SNX27: variants seen among roughly 807,000 people sequenced by gnomAD.
SNX27 encodes the protein sorting nexin-27.
In SNX27, 22 loss-of-function variants were observed where a neutral mutation model predicts 71.6. The observed-to-expected ratio is 0.31, with a 90% CI of 0.22 to 0.44. The LOEUF is 0.44. Among genes scored for constraint, SNX27 ranks in the 20% least tolerant of loss-of-function variants. SNX27 has a pLI of 1.00. For missense variants in SNX27, 531 were observed against 698.6 expected (o/e 0.76, Z 2.70); for synonymous variants, 269 against 277.2 (o/e 0.97, Z 0.29).
intron 1 of SNX27, among the ~76,000 whole-genome samples, chr1:151,620,922 C>T (rs1268269035): frequency 6.6e-6 from 1 of 152,138 alleles, no homozygotes; most frequent in Non-Finnish European, 1.5e-5. Context: ...GAACTCATGA[C>T]CTCGTAGTCC....
intron 11 of SNX27, chr1:151,693,895 G>A: frequency 1.4e-6 from 2 of 1,387,762 alleles, no homozygotes; most frequent in South Asian, 1.7e-5. Context: ...TTGTGTGAGG[G>A]AAGGTGTTTG....
intron 1 of SNX27, among the ~76,000 whole-genome samples, chr1:151,634,775 C>T (rs1009522743): frequency 2.6e-5 from 4 of 152,106 alleles, no homozygotes; most frequent in African/African-American, 9.7e-5. Context: ...AGTTTCAAAC[C>T]TACAGAAAAA....
chr1:151,627,021 C>T (rs1161798994), intron 1 of SNX27, among the ~76,000 whole-genome samples: 2 of 152,114 alleles, frequency 1.3e-5, no homozygotes, highest in Non-Finnish European at 2.9e-5. Flanking sequence ...GCATTCTGGG[C>T]ATTAGGGTGT....
At chr1:151,647,277 A>T (rs1022241906) in intron 2 of SNX27, among the ~76,000 whole-genome samples, 1 of 151,910 alleles carries the variant, frequency 6.6e-6, no homozygotes, top group Non-Finnish European at 1.5e-5. Flanking sequence ...CAGCCTTCCG[A>T]ATAGCTAAAC....
chr1:151,629,527 A>G (rs1668113168), intron 1 of SNX27: 1 of 150,812 alleles, frequency 6.6e-6, no homozygotes, highest in African/African-American at 2.4e-5. Context: ...ACGTATATAT[A>G]CATGTATACG....
At chr1:151,660,719 C>A in intron 3 of SNX27, 79 bp from the exon 4 acceptor site, 1 of 1,121,672 alleles carries the variant, frequency 8.9e-7, no homozygotes, top group Non-Finnish European at 1.4e-6. Flanking sequence ...ATGATTTAAA[C>A]TTAAAACTTT....
intron 2 of SNX27, among the ~76,000 whole-genome samples, chr1:151,652,397 C>T (rs958829778): frequency 1.3e-5 from 2 of 148,850 alleles, no homozygotes; most frequent in African/African-American, 2.5e-5. Flanking sequence ...ATTTTTGATA[C>T]CACGCCTTTT....
chr1:151,616,816 G>A (rs987274071), intron 1 of SNX27, among the ~76,000 whole-genome samples: 1 of 152,100 alleles, frequency 6.6e-6, no homozygotes, highest in East Asian at 1.9e-4. Flanking sequence ...GAAGCACTTG[G>A]GTGTGCTTAT....
chr1:151,617,263 T>TTTTATTTA (rs71090200), intron 1 of SNX27, among the ~76,000 whole-genome samples: 287 of 151,236 alleles, frequency 1.9e-3, no homozygotes, highest in African/African-American at 5.5e-3. Flanking sequence ...TAGTTTGTAG[T>TTTTATTTA]TTTATTTATT....
At chr1:151,693,369 G>A in intron 10 of SNX27, 55 bp from the exon 11 acceptor site, 1 of 1,544,544 alleles carries the variant, frequency 6.5e-7, no homozygotes, top group Non-Finnish European at 8.9e-7. Context: ...CAAAGGCACA[G>A]TCCTGAGATG....
chr1:151,682,738 A>T (rs1671022876), intron 7 of SNX27, among the ~76,000 whole-genome samples: 1 of 152,144 alleles, frequency 6.6e-6, no homozygotes, highest in South Asian at 2.1e-4. Context: ...GCTGTTTTTA[A>T]AACTATCAGA....
At chr1:151,633,728 T>C (rs1030245121) in intron 1 of SNX27, among the ~76,000 whole-genome samples, 1 of 152,254 alleles carries the variant, frequency 6.6e-6, no homozygotes, top group African/African-American at 2.4e-5. Flanking sequence ...TCGGATTCTT[T>C]TCTGTCTCAC....
chr1:151,662,397 A>G (rs1670001702), intron 5 of SNX27, 127 bp downstream of exon 5: 2 of 540,240 alleles, frequency 3.7e-6, no homozygotes, highest in Non-Finnish European at 6.7e-6. Flanking sequence ...AATGTTAGCT[A>G]CTATTGTTAT....
rs138054694 is a variant in SNX27, at chr1:151,636,345, AGGCTGGAGTGCAGT to A, written c.312-2539_312-2526del. 1.9e-4 allele frequency among the ~76,000 whole-genome samples: 29 copies of A among 152,300 alleles called. No individual in the cohort carries two copies. In the East Asian group the frequency reaches 5.6e-3, roughly 29 times the overall value. On this transcript the variant is annotated intron_variant, in intron 1 of 11. Transcript: ENST00000458013. ...AAAACAGGATCTTCTTTTGTAACCC[AGGCTGGAGTGCAGT>A]GGCATGATCTAGCTCACTGCAGCCT...
chr1:151,632,566 A>C (rs1225724771), intron 1 of SNX27, among the ~76,000 whole-genome samples: 1 of 152,220 alleles, frequency 6.6e-6, no homozygotes, highest in Non-Finnish European at 1.5e-5. Flanking sequence ...GCTGTGTCTT[A>C]ATTTTCTTTT....
chr1:151,635,735 T>A (rs955776452), intron 1 of SNX27, among the ~76,000 whole-genome samples: 1 of 152,176 alleles, frequency 6.6e-6, no homozygotes, highest in African/African-American at 2.4e-5. Flanking sequence ...TTGAACCAGA[T>A]AAATATTAGC....
chr1:151,646,646 G>C (rs1669048110), intron 2 of SNX27, among the ~76,000 whole-genome samples: 1 of 147,292 alleles, frequency 6.8e-6, no homozygotes, highest in Non-Finnish European at 1.5e-5. Flanking sequence ...ACTGTATATA[G>C]GTAAGTATAT....
In SNX27 at chr1:151,665,210, T is replaced by G. The variant is rs193169181; in HGVS notation, c.907-723T>G. On this transcript the variant is annotated intron_variant, in intron 5 of 11. Transcript: ENST00000458013. The stretch of plus-strand genomic sequence containing the variant: ...TTTATGTTTTGTTGTTGTTTGTATG[T>G]AATTGTCATTTATTTGCACACAGTT... Among the ~76,000 whole-genome samples, 12 of 152,346 alleles carry G rather than the reference T, an allele frequency of 7.9e-5. No homozygotes were observed. In the East Asian group the frequency reaches 2.3e-3, roughly 29 times the overall value.
chr1:151,642,784 G>A (rs1668836634), intron 2 of SNX27, among the ~76,000 whole-genome samples: 1 of 151,702 alleles, frequency 6.6e-6, no homozygotes, highest in South Asian at 2.1e-4. Flanking sequence ...GACTACAAGT[G>A]TCTGCCACCA....
Sources: gnomAD v4.1 joint callset for allele counts (sites outside exome capture counted in the v4.1 genomes callset) on GRCh38, gnomAD v4.1.1 for gene constraint, MANE v1.5 for transcripts, NCBI Gene and HGNC (gene_info 2026-07-23, HGNC 2026-07-21) for gene names.